C12orf76: variants seen among roughly 807,000 people sequenced by gnomAD.
C12orf76 encodes the protein chromosome 12 open reading frame 76.
In C12orf76, 6 loss-of-function variants were observed where a neutral mutation model predicts 6.8. That is an observed-to-expected ratio of 0.88 (90% confidence interval 0.48 to 1.73). C12orf76 has a LOEUF of 1.73. Among genes scored for constraint, C12orf76 ranks in the 40% most tolerant of loss-of-function variants. The pLI, the probability that C12orf76 is intolerant of heterozygous loss-of-function variation, is 0.01. For missense variants in C12orf76, 99 were observed against 98.2 expected, an observed-to-expected ratio of 1.01 and a Z score of -0.03; for synonymous variants, 56 against 43.7, an observed-to-expected ratio of 1.28 and a Z score of -1.11.
At chr12:110,061,641 A>T (rs2137234106) in intron 2 of C12orf76, among the ~76,000 whole-genome samples, 1 of 150,936 alleles carries the variant, frequency 6.6e-6, no homozygotes, top group South Asian at 2.1e-4. Context: ...TGTTCAAGTG[A>T]TTCTCCTGCC....
upstream of C12orf76, among the ~76,000 whole-genome samples, chr12:110,068,277 G>GAA (rs1282770769): frequency 1.5e-5 from 2 of 136,622 alleles, no homozygotes; most frequent in Non-Finnish European, 3.3e-5. Context: ...AGAAGAAGAA[G>GAA]AAGAAGAAGA....
At chr12:110,047,918 T>C (rs1892492166) in intron 1 of C12orf76, among the ~76,000 whole-genome samples, 1 of 152,190 alleles carries the variant, frequency 6.6e-6, no homozygotes, top group African/African-American at 2.4e-5. Context: ...GGACCCAGAA[T>C]GAGACCCAGG....
upstream of C12orf76, among the ~76,000 whole-genome samples, chr12:110,053,044 T>A (rs1418663364): frequency 6.6e-6 from 1 of 150,434 alleles, no homozygotes; most frequent in Non-Finnish European, 1.5e-5. Context: ...CTACTAAAAA[T>A]AGGAAAATTA....
At chr12:110,061,852 A>T (rs1892777385) in intron 2 of C12orf76, among the ~76,000 whole-genome samples, 1 of 152,036 alleles carries the variant, frequency 6.6e-6, no homozygotes, top group African/African-American at 2.4e-5. Context: ...GCATACTTTA[A>T]TGAGAGCATG....
At chr12:110,061,251 C>T (rs1456563009) in intron 2 of C12orf76, among the ~76,000 whole-genome samples, 1 of 152,128 alleles carries the variant, frequency 6.6e-6, no homozygotes, top group Non-Finnish European at 1.5e-5. Context: ...TTTCCTATCC[C>T]AGCAAGTTAT....
intron 4 of C12orf76, among the ~76,000 whole-genome samples, chr12:110,055,213 GC>G (rs1892647993): frequency 6.9e-6 from 1 of 145,612 alleles, no homozygotes; most frequent in South Asian, 2.1e-4. Context: ...ATGAGACGAA[GC>G]TTTTTTTTTT....
exon 1 of C12orf76, chr12:110,067,509 C>T: frequency 1.0e-6 from 1 of 985,444 alleles, no homozygotes; most frequent in Non-Finnish European, 1.2e-6. Context: ...TTCCTTTTCC[C>T]ATTTTGTCTG....
At chr12:110,049,530 T>C (rs572460424), upstream of C12orf76, 9 of 152,172 alleles carry the variant, frequency 5.9e-5, no homozygotes, top group East Asian at 3.9e-4. Context: ...TTCTCAAGGG[T>C]AGGGAGAATT....
At chr12:110,049,809 C>T (rs997067389), upstream of C12orf76, 1 of 152,166 alleles carries the variant, frequency 6.6e-6, no homozygotes, top group Non-Finnish European at 1.5e-5. Context: ...ACTTAGAAAC[C>T]GATGTTATTC....
upstream of C12orf76, among the ~76,000 whole-genome samples, chr12:110,054,058 G>C (rs1470369245): frequency 6.6e-6 from 1 of 151,800 alleles, no homozygotes; most frequent in Non-Finnish European, 1.5e-5. This position sits in a 1 kb window ranked among gnomAD's most constrained non-coding sequence, Gnocchi z 4.4. Context: ...CTGGGCGACA[G>C]AGCAAGACCC....
intron 2 of C12orf76, among the ~76,000 whole-genome samples, chr12:110,059,446 T>A (rs950583007): frequency 6.6e-5 from 10 of 152,222 alleles, no homozygotes; most frequent in African/African-American, 2.2e-4. Flanking sequence ...GTCCTGTTCC[T>A]GATCTCAGGA....
At chr12:110,046,815 G>C (rs1258101112) in intron 1 of C12orf76, among the ~76,000 whole-genome samples, 1 of 152,154 alleles carries the variant, frequency 6.6e-6, no homozygotes, top group East Asian at 1.9e-4. Context: ...TGTCTGGAGA[G>C]ATTTTGACTA....
At position 110,059,716 on chromosome 12, in the gene C12orf76, T is replaced by G. The variant is rs183756367; in HGVS notation, n.381-553A>C. 2.2e-3 allele frequency among the ~76,000 whole-genome samples: 336 copies of G among 152,240 alleles called. 2 individuals carry two copies. Among genetic ancestry groups the G allele is most frequent in the African/African-American group, 7.7e-3 (319 of 41,520 alleles). ...TAAGAGGGGCTTGACAAACAAGCGG[T>G]GTGAACTTGGTTGAGACAGTTGAGG... On this transcript the variant is annotated intron_variant and non_coding_transcript_variant, in intron 2 of 4. Coordinates refer to the C12orf76 transcript ENST00000309050.
chr12:110,061,177 C>G (rs892132454), intron 2 of C12orf76, among the ~76,000 whole-genome samples: 6 of 151,816 alleles, frequency 4.0e-5, no homozygotes, highest in African/African-American at 1.5e-4. Flanking sequence ...TCCATGAACA[C>G]TTCGAACTCA....
upstream of C12orf76, chr12:110,048,627 G>T (rs1892516777): frequency 7.7e-7 from 1 of 1,297,088 alleles, no homozygotes; most frequent in East Asian, 3.1e-5. Context: ...GTGCGTCCTG[G>T]TCTAAGTTCC....
upstream of C12orf76, chr12:110,050,075 G>A (rs1000534356): frequency 6.6e-6 from 1 of 152,160 alleles, no homozygotes; most frequent in Non-Finnish European, 1.5e-5. Context: ...TCTACAACTC[G>A]GTGTCTGAGA....
chr12:110,059,275 C>A (rs1892729410), intron 2 of C12orf76: 4 of 1,275,004 alleles, frequency 3.1e-6, no homozygotes, highest in Middle Eastern at 5.5e-4. Flanking sequence ...CTTGTGAATT[C>A]TTCGGGATTC....
chr12:110,058,919 A>T, intron 3 of C12orf76: 1 of 1,459,394 alleles, frequency 6.9e-7, no homozygotes, highest in Non-Finnish European at 9.1e-7. Flanking sequence ...TAACTTTTGC[A>T]ATTCTTACTC....
chr12:110,068,332 G>A (rs1968181), upstream of C12orf76, among the ~76,000 whole-genome samples: 4,093 of 108,062 alleles, frequency 0.038, 212 homozygotes, highest in African/African-American at 0.059. Context: ...GAAGAAGAAG[G>A]CGGCCAAATA....
Sources: gnomAD v4.1 joint callset for allele counts (sites outside exome capture counted in the v4.1 genomes callset) on GRCh38, gnomAD v4.1.1 for gene constraint, Gnocchi (gnomAD v3.1) non-coding constraint, MANE v1.5 for transcripts, NCBI Gene and HGNC (gene_info 2026-07-23, HGNC 2026-07-21) for gene names.